Variants in GPR160 observed in about 807,000 individuals in gnomAD.
GPR160 encodes G protein-coupled receptor 160, also known as probable G protein-coupled receptor 160.
In GPR160, 2 loss-of-function variants were observed where a neutral mutation model predicts 2.6. That is an observed-to-expected ratio of 0.77 (90% CI 0.32 to 2.44). The LOEUF (loss-of-function observed/expected upper bound fraction) is 2.44. Ranked by LOEUF, GPR160 falls within the 30% of genes most tolerant of loss-of-function variation. The pLI is 0.11. For missense variants in GPR160, 351 were observed against 383.6 expected, an observed-to-expected ratio of 0.91 and a Z score of 0.71; for synonymous variants, 130 against 132.2, an observed-to-expected ratio of 0.98 and a Z score of 0.12.
At chr3:170,069,688 G>T (rs369489130) in intron 2 of GPR160, among the ~76,000 whole-genome samples, 1 of 151,944 alleles carries the variant, frequency 6.6e-6, no homozygotes, top group Non-Finnish European at 1.5e-5. Context: ...TCATCCACTC[G>T]ACCCCCAGCA....
intron 2 of GPR160, among the ~76,000 whole-genome samples, chr3:170,055,120 A>G (rs1369306033): frequency 6.6e-6 from 1 of 152,202 alleles, no homozygotes; most frequent in Non-Finnish European, 1.5e-5. Context: ...TTAAGACTGA[A>G]TAATATTCTA....
intron 2 of GPR160, among the ~76,000 whole-genome samples, chr3:170,054,555 A>G (rs1711536183): frequency 6.6e-6 from 1 of 152,180 alleles, no homozygotes; most frequent in African/African-American, 2.4e-5. Context: ...TGATACTGCT[A>G]TCTACGCATC....
At chr3:170,045,505 C>T (rs890847238) in intron 2 of GPR160, among the ~76,000 whole-genome samples, 6 of 144,890 alleles carry the variant, frequency 4.1e-5, no homozygotes, top group Admixed American at 7.0e-5. Flanking sequence ...GGAGGAGACT[C>T]GCTTGAACCA....
At chr3:170,060,525 G>C (rs1050655994) in intron 2 of GPR160, among the ~76,000 whole-genome samples, 1 of 152,162 alleles carries the variant, frequency 6.6e-6, no homozygotes, top group Non-Finnish European at 1.5e-5. Context: ...CACTTTGGGA[G>C]GCCTAGGAGG....
chr3:170,070,192 A>G (rs2108337753), intron 2 of GPR160, among the ~76,000 whole-genome samples: 1 of 152,202 alleles, frequency 6.6e-6, no homozygotes, highest in East Asian at 1.9e-4. Flanking sequence ...CATTGCACTT[A>G]GTTGATATAT....
In GPR160 at chr3:170,080,301, C is replaced by T. The variant is rs182157297; in HGVS notation, c.-69+404C>T. On this transcript the variant is annotated intron_variant, in intron 3 of 3. Coordinates refer to ENST00000355897, the MANE Select transcript of GPR160 (RefSeq NM_014373.3). ...GGGGTAGAGTACATAAAATTGGTGT[C>T]GTCTAAGAAAGCTCTGATTGGTTTC... is the stretch of plus-strand genomic sequence containing the variant. Among the ~76,000 whole-genome samples the T allele has an allele frequency of 2.3e-3, 353 of 152,254 alleles. 1 individual carries two copies. The highest frequency in any genetic ancestry group is 8.6e-3 in the Admixed American group (131 of 15,296).
At chr3:170,051,717 T>G (rs1297557529) in intron 2 of GPR160, among the ~76,000 whole-genome samples, 2 of 152,044 alleles carry the variant, frequency 1.3e-5, no homozygotes, top group East Asian at 3.8e-4. Context: ...AGAACGAAAC[T>G]CTGTCTCAAA....
intron 2 of GPR160, among the ~76,000 whole-genome samples, chr3:170,056,823 T>C (rs1437389421): frequency 6.6e-6 from 1 of 152,214 alleles, no homozygotes; most frequent in Non-Finnish European, 1.5e-5. Flanking sequence ...AAAAAGCCTA[T>C]GGGCCATGGT....
chr3:170,062,284 C>T lies in GPR160; in HGVS notation c.-192-17490C>T, dbSNP rs536735453. ...AAGTCCCGTGCGGCGGAGGCAGCAG[C>T]GGGGGTGACAGCGACGGCCCCGAGC... is the stretch of plus-strand genomic sequence containing the variant. On this transcript the variant is annotated intron_variant, in intron 2 of 3. Coordinates refer to ENST00000355897, the MANE Select transcript of GPR160 (RefSeq NM_014373.3). 173 of 204,610 alleles carry T rather than the reference C, an allele frequency of 8.5e-4. 2 individuals are homozygous for T. The highest frequency in any genetic ancestry group is 3.6e-3 in the Admixed American group (62 of 17,200). The allele number at this position is 204,610 out of a possible 1,614,324, so 12.7% of individuals were successfully genotyped here. A position where few individuals can be genotyped will look rare whatever the true frequency, so the allele number is the denominator to read the frequency against.
intron 2 of GPR160, among the ~76,000 whole-genome samples, chr3:170,040,923 T>G (rs1346697778): frequency 6.6e-6 from 1 of 152,234 alleles, no homozygotes; most frequent in African/African-American, 2.4e-5. Flanking sequence ...GTAACACATT[T>G]TTTTTAAGAA....
At chr3:170,048,123 C>A (rs1262225856) in intron 2 of GPR160, among the ~76,000 whole-genome samples, 4 of 152,152 alleles carry the variant, frequency 2.6e-5, no homozygotes, top group Non-Finnish European at 5.9e-5. Context: ...GCCACCATGC[C>A]CATGAAGGCC....
chr3:170,084,933 C>T lies in GPR160; in HGVS notation c.961C>T (p.Leu321Phe), dbSNP rs746873485. Residue 321 changes from leucine (L) to phenylalanine (F), a missense_variant, in exon 4 of 4, where the codon CTT becomes TTT. Leu to Phe is a conservative substitution (Grantham distance 22). Transcript: ENST00000355897. ...FVNWKCCFIP[L>F]TIPNLEQIEK... is the part of the protein sequence containing the mutation. ...CAACTGGAAGTGCTGCTTCATTCCA[C>T]TTACAATTCCTAATCTTGAGCAAAT... 9 of 1,596,384 alleles carry T rather than the reference C, an allele frequency of 5.6e-6. No individual in the cohort carries two copies. In the East Asian group the frequency reaches 1.6e-4, roughly 28 times the overall value.
rs913624945 is a variant in GPR160, at chr3:170,079,885, G to A, written c.-81G>A. ...AATAGGAAGATCATCAGTCAAGGAA[G>A]ACCCACTGGAGAGTAAGTATGCAAG... On this transcript the variant is annotated 5_prime_UTR_variant, in exon 3 of 4. Coordinates refer to ENST00000355897, the MANE Select transcript of GPR160 (RefSeq NM_014373.3). 1.3e-5 allele frequency: 2 copies of A among 152,172 alleles called. No homozygotes were observed. The highest frequency in any genetic ancestry group is 2.9e-5 in the Non-Finnish European group (2 of 68,050). 9.4% of individuals were successfully genotyped at this position (152,172 alleles called of 1,614,324 possible). A position where few individuals can be genotyped will look rare whatever the true frequency, so the allele number is the denominator to read the frequency against.
intron 2 of GPR160, among the ~76,000 whole-genome samples, chr3:170,050,345 GTGATTC>G (rs1243272279): frequency 6.6e-6 from 1 of 151,958 alleles, no homozygotes; most frequent in Non-Finnish European, 1.5e-5. Context: ...CCAGGTTCAA[GTGATTC>G]TCCTGCCTTG....
chr3:170,065,509 C>T (rs1432894284), intron 2 of GPR160, among the ~76,000 whole-genome samples: 1 of 152,182 alleles, frequency 6.6e-6, no homozygotes, highest in Non-Finnish European at 1.5e-5. Flanking sequence ...TTTCCTGGAC[C>T]GCATGTATTG....
intron 2 of GPR160, among the ~76,000 whole-genome samples, chr3:170,068,356 T>C (rs1712444059): frequency 1.3e-5 from 2 of 152,202 alleles, no homozygotes; most frequent in South Asian, 4.1e-4. Context: ...GGTTTTTCCA[T>C]GTTGGCCAGG....
chr3:170,079,151 G>A (rs1236734040), intron 2 of GPR160, among the ~76,000 whole-genome samples: 22 of 152,210 alleles, frequency 1.4e-4, no homozygotes, highest in Admixed American at 1.4e-3. Flanking sequence ...ATAAAAGCAA[G>A]CAGCTCCAGC....
chr3:170,042,472 A>G (rs1489344115), intron 2 of GPR160, among the ~76,000 whole-genome samples: 1 of 150,736 alleles, frequency 6.6e-6, no homozygotes, highest in Non-Finnish European at 1.5e-5. Flanking sequence ...GCTTTAAATC[A>G]CATCTTTAGG....
chr3:170,061,156 TC>T (rs1711929529), intron 2 of GPR160, among the ~76,000 whole-genome samples: 1 of 151,746 alleles, frequency 6.6e-6, no homozygotes, highest in Admixed American at 6.6e-5. Flanking sequence ...GCACCTGTAA[TC>T]CCAGCTACTC....
Sources: gnomAD v4.1 joint callset for allele counts (sites outside exome capture counted in the v4.1 genomes callset) on GRCh38, gnomAD v4.1.1 for gene constraint, MANE v1.5 for transcripts, NCBI Gene and HGNC (gene_info 2026-07-23, HGNC 2026-07-21) for gene names.